EXOC5: variants seen among roughly 807,000 people sequenced by gnomAD.
EXOC5 encodes exocyst complex component 5.
EXOC5 carries 17 observed loss-of-function variants against 90.8 expected under a neutral mutation model. The ratio of observed to expected loss-of-function variants is 0.19; its 90% CI spans 0.13 to 0.28. EXOC5 has a LOEUF of 0.28. EXOC5 is among the 10% of genes least tolerant of loss of function. The pLI, the probability that EXOC5 is intolerant of heterozygous loss-of-function variation, is 1.00. For missense variants in EXOC5, 569 were observed against 830.6 expected, an observed-to-expected ratio of 0.69 and a Z score of 3.87; for synonymous variants, 260 against 270.0, an observed-to-expected ratio of 0.96 and a Z score of 0.36.
intron 14 of EXOC5, 38 bp from the exon 15 acceptor site, chr14:57,218,106 T>A: frequency 9.8e-7 from 1 of 1,025,012 alleles, no homozygotes; most frequent in Non-Finnish European, 1.5e-6. Context: ...ATCATATTAA[T>A]AGTCTAATAT....
chr14:57,229,685 A>G (rs376987129), intron 12 of EXOC5, 49 bp downstream of exon 12: 2 of 1,328,110 alleles, frequency 1.5e-6, no homozygotes, highest in East Asian at 5.2e-5. Context: ...TTCCCCACAG[A>G]TATCAAGGAA....
chr14:57,222,851 C>T (rs1390039860), intron 12 of EXOC5, among the ~76,000 whole-genome samples: 2 of 151,572 alleles, frequency 1.3e-5, no homozygotes, highest in Non-Finnish European at 3.0e-5. Context: ...GCATTTCTTA[C>T]TGTGGGCCAA....
rs1884779962 is a variant in EXOC5 at position 57,268,699 on chromosome 14, A to C, written c.-51T>G. ...CCACTGGATGCCGTCTCCGCTTCAC[A>C]TGCTGCGCCTCAGAGGCGCGGCGCA... On this transcript the variant is annotated 5_prime_UTR_variant, in exon 1 of 18. It removes an upstream start codon present in the reference 5' UTR. Transcript: ENST00000621441. 6.4e-7 allele frequency: 1 copy of C among 1,559,248 alleles called. No homozygotes were observed. The highest frequency in any genetic ancestry group is 1.8e-5 in the Admixed American group (1 of 54,740).
chr14:57,254,419 A>G (rs1884286544), intron 1 of EXOC5, among the ~76,000 whole-genome samples: 1 of 151,488 alleles, frequency 6.6e-6, no homozygotes, highest in African/African-American at 2.4e-5. Context: ...TGGGTAACAG[A>G]GTGAGTGAAT....
rs1882784051 is a variant in EXOC5, at chr14:57,210,180, T to C, written c.1614-119A>G. ...TTAATTTCCTATCACCATGAAACTCTTTTACTATTGGTAAACTTTAGATAT... is the reference window on the plus strand; with the variant it reads ...TTAATTTCCTATCACCATGAAACTCCTTTACTATTGGTAAACTTTAGATAT... On this transcript the variant is annotated intron_variant, in intron 15 of 17. Transcript: ENST00000621441. 9.0e-6 allele frequency: 5 copies of C among 556,526 alleles called. No individual in the cohort carries two copies. The Admixed American group carries it at 1.6e-4, about 18-fold the overall frequency. The allele number at this position is 556,526 out of a possible 1,614,324, so 34.5% of individuals were successfully genotyped here.
chr14:57,204,340 T>C lies in EXOC5; in HGVS notation c.*4269A>G, dbSNP rs759662834. The C allele has an allele frequency of 2.0e-5, 3 of 152,122 alleles. No homozygotes were observed. The highest frequency in any genetic ancestry group is 4.4e-5 in the Non-Finnish European group (3 of 67,982). 9.4% of individuals were successfully genotyped at this position (152,122 alleles called of 1,614,324 possible). ...TCCCTAAATTTGTAAAGAGAAATGATTGATCACTGGTAGAAATAAAAGGTA... is the reference window on the plus strand; with the variant it reads ...TCCCTAAATTTGTAAAGAGAAATGACTGATCACTGGTAGAAATAAAAGGTA... On this transcript the variant is annotated 3_prime_UTR_variant, in exon 18 of 18. Coordinates refer to ENST00000621441, the MANE Select transcript of EXOC5 (RefSeq NM_006544.4).
chr14:57,255,355 G>A (rs1478388466), intron 1 of EXOC5, among the ~76,000 whole-genome samples: 1 of 152,110 alleles, frequency 6.6e-6, no homozygotes, highest in Non-Finnish European at 1.5e-5. Flanking sequence ...CATTTGAGAT[G>A]GATTTGCCTT....
chr14:57,213,875 C>A (rs1250585315), intron 15 of EXOC5, among the ~76,000 whole-genome samples: 1 of 151,834 alleles, frequency 6.6e-6, no homozygotes, highest in East Asian at 2.0e-4. Flanking sequence ...GAGGCTGAGG[C>A]AGGAGAATCA....
Position 57,239,603 on chromosome 14 carries a change from A to G in EXOC5, c.522T>C (p.Pro174=). Residue 174 remains proline (P), a synonymous_variant, in exon 5 of 18, where the codon CCT becomes CCC. Transcript: ENST00000621441. ...QKLHLIAQEL[P]FDRFSEVKSK... ...TTGAGAAATGAACTTGCCTATCAAAAGGTAACTCTTGGGCAATTAGGTGCA... is the reference window on the plus strand; with the variant it reads ...TTGAGAAATGAACTTGCCTATCAAAGGGTAACTCTTGGGCAATTAGGTGCA... 6.6e-7 allele frequency: 1 copy of G among 1,521,348 alleles called. No individual in the cohort carries two copies. Among genetic ancestry groups the G allele is most frequent in the Non-Finnish European group, 8.9e-7 (1 of 1,124,330 alleles). The allele number at this position is 1,521,348 out of a possible 1,614,324, so 94.2% of individuals were successfully genotyped here.
At chr14:57,234,725 C>T (rs370909331) in intron 7 of EXOC5, among the ~76,000 whole-genome samples, 5 of 151,524 alleles carry the variant, frequency 3.3e-5, no homozygotes, top group South Asian at 2.1e-4. Context: ...GCCTCCCCTC[C>T]GGCTAATTTT....
chr14:57,245,266 G>T (rs17093005), intron 3 of EXOC5, among the ~76,000 whole-genome samples: 39,560 of 151,964 alleles, frequency 0.26, 12,662 homozygotes, highest in African/African-American at 0.76. Context: ...AGTGTGGGAC[G>T]TTTTTCCAAC....
Position 57,262,939 on chromosome 14 carries a change from T to C in EXOC5, c.27+5683A>G, listed in dbSNP as rs919748111. Among the ~76,000 whole-genome samples the C allele has an allele frequency of 1.2e-4, 19 of 152,108 alleles. 1 individual carries two copies. The South Asian group carries it at 2.3e-3, about 18-fold the overall frequency. ...TTTTCAAATTTCTTCTCTGTCACCA[T>C]TGAATTAGGTTAGACTTTCATCTGG... is the stretch of plus-strand genomic sequence containing the variant. On this transcript the variant is annotated intron_variant, in intron 1 of 17. Coordinates refer to ENST00000621441, the MANE Select transcript of EXOC5 (RefSeq NM_006544.4).
Position 57,209,725 on chromosome 14 carries a change from T to C in EXOC5, c.1780A>G (p.Met594Val), listed in dbSNP as rs769967782. Residue 594 changes from methionine to valine, a missense_variant, in exon 17 of 18, where the codon ATG (methionine) becomes GTG (valine). This residue lies in a region of EXOC5 where 122 missense variants were observed against 180.0 expected (regional missense o/e 0.68). Coordinates refer to ENST00000621441, the MANE Select transcript of EXOC5 (RefSeq NM_006544.4). Reference sequence around the variant, plus strand: ...ACTGTATCCACATTCTTCCCATCCATGGAATTTTTAATCTTCTCCACTTGT... The same window carrying C: ...ACTGTATCCACATTCTTCCCATCCACGGAATTTTTAATCTTCTCCACTTGT... Reference protein sequence around the residue: ...RKQVEKIKNSMDGKNVDTVLM... With the variant: ...RKQVEKIKNSVDGKNVDTVLM... The C allele has an allele frequency of 1.9e-6, 3 of 1,612,962 alleles. No homozygotes were observed. The highest frequency in any genetic ancestry group is 1.3e-5 in the African/African-American group (1 of 74,936).
At chr14:57,268,585 C>G (rs769623800) in intron 1 of EXOC5, 37 bp downstream of exon 1, 1 of 1,573,412 alleles carries the variant, frequency 6.4e-7, no homozygotes, top group Non-Finnish European at 8.6e-7. Context: ...CTGCAAACCC[C>G]GGGCCTGCCA....
chr14:57,233,481 T>C (rs1838385302), intron 9 of EXOC5, among the ~76,000 whole-genome samples: 1 of 152,098 alleles, frequency 6.6e-6, no homozygotes, highest in Non-Finnish European at 1.5e-5. Flanking sequence ...CAAGGCTATC[T>C]TACCACAATA....
At chr14:57,244,660 G>A (rs2139651998) in intron 3 of EXOC5, among the ~76,000 whole-genome samples, 1 of 152,198 alleles carries the variant, frequency 6.6e-6, no homozygotes, top group East Asian at 1.9e-4. Context: ...AGCCCCAAAT[G>A]ATGATTCTGA....
At chr14:57,228,254 G>C (rs1302395399) in intron 12 of EXOC5, among the ~76,000 whole-genome samples, 1 of 152,154 alleles carries the variant, frequency 6.6e-6, no homozygotes, top group Non-Finnish European at 1.5e-5. Context: ...CACTGCTGGT[G>C]GGAGTGTAAA....
chr14:57,208,454 GT>G lies in EXOC5; in HGVS notation c.*154del. On this transcript the variant is annotated 3_prime_UTR_variant, in exon 18 of 18. Coordinates refer to ENST00000621441, the MANE Select transcript of EXOC5 (RefSeq NM_006544.4). Reference sequence around the variant, plus strand: ...CCAAACTTTAAATAAAACCTCAAAGGTAAGTATGGCTGCTGTTTTGTTCCAG... The same window carrying G: ...CCAAACTTTAAATAAAACCTCAAAGGAAGTATGGCTGCTGTTTTGTTCCAG... 2.0e-6 allele frequency: 1 copy of G among 503,802 alleles called. No homozygotes were observed. The highest frequency in any genetic ancestry group is 3.5e-6 in the Non-Finnish European group (1 of 286,460). 31.2% of individuals were successfully genotyped at this position (503,802 alleles called of 1,614,324 possible). A position where few individuals can be genotyped will look rare whatever the true frequency, so the allele number is the denominator to read the frequency against.
chr14:57,245,327 G>A (rs1273118489), intron 3 of EXOC5, among the ~76,000 whole-genome samples: 1 of 151,944 alleles, frequency 6.6e-6, no homozygotes, highest in Non-Finnish European at 1.5e-5. Context: ...GACTTTCTCT[G>A]TGCTAGACTA....
Sources: gnomAD v4.1 joint callset for allele counts (sites outside exome capture counted in the v4.1 genomes callset) on GRCh38, gnomAD v4.1.1 for gene constraint, gnomAD v4.1.1 regional missense constraint, MANE v1.5 for transcripts, NCBI Gene and HGNC (gene_info 2026-07-23, HGNC 2026-07-21) for gene names.